The following SUCNR1 variants were observed in gnomAD, a reference collection of about 807,000 sequenced individuals.
The protein encoded by SUCNR1 is G-protein coupled receptor 91.
Under a neutral mutation model 2.4 loss-of-function variants are expected in SUCNR1, and 5 were observed. That is an observed-to-expected ratio of 2.07 (90% confidence interval 1.08 to 4.36). SUCNR1 has a LOEUF of 4.36. SUCNR1 is among the 30% of genes most tolerant of loss of function. The pLI is 0.00. For missense variants in SUCNR1, 373 were observed against 399.2 expected (o/e 0.93, Z 0.56); for synonymous variants, 162 against 143.9 (o/e 1.13, Z -0.90).
rs1182248028 is a variant in SUCNR1 at position 151,882,051 on chromosome 3, T to C, written c.*503T>C. 6.6e-6 allele frequency: 1 copy of C among 152,482 alleles called. No individual in the cohort carries two copies. Among genetic ancestry groups the C allele is most frequent in the African/African-American group, 2.4e-5 (1 of 41,446 alleles). The allele number at this position is 152,482 out of a possible 1,614,324, so 9.4% of individuals were successfully genotyped here. A position where few individuals can be genotyped will look rare whatever the true frequency, so the allele number is the denominator to read the frequency against. Reference sequence around the variant, plus strand: ...AAGGAATATAATGAGTTCAAAGATATCTATCTGATATATTTTTTATATTCA... The same window carrying C: ...AAGGAATATAATGAGTTCAAAGATACCTATCTGATATATTTTTTATATTCA... On this transcript the variant is annotated 3_prime_UTR_variant, in exon 3 of 3. Coordinates refer to ENST00000362032, the MANE Select transcript of SUCNR1 (RefSeq NM_033050.6).
rs546949518 is a variant in SUCNR1 at position 151,883,907 on chromosome 3, T to A, written c.*2359T>A. Reference sequence around the variant, plus strand: ...ATTACATTCAGAACTTTCTTCACTTTGTTCACCTGTTGCCCATCTTTGTTC... The same window carrying A: ...ATTACATTCAGAACTTTCTTCACTTAGTTCACCTGTTGCCCATCTTTGTTC... On this transcript the variant is annotated 3_prime_UTR_variant, in exon 3 of 3. Transcript: ENST00000362032. The A allele has an allele frequency of 6.6e-6, 1 of 152,144 alleles. No individual in the cohort carries two copies. The highest frequency in any genetic ancestry group is 2.1e-4 in the South Asian group (1 of 4,832). The allele number at this position is 152,144 out of a possible 1,614,324, so 9.4% of individuals were successfully genotyped here. A position where few individuals can be genotyped will look rare whatever the true frequency, so the allele number is the denominator to read the frequency against.
rs1718083248 is a variant in SUCNR1 at position 151,881,129 on chromosome 3, T to G, written c.586T>G (p.Phe196Val). 2 of 1,614,146 alleles carry G rather than the reference T, an allele frequency of 1.2e-6. No homozygotes were observed. Among genetic ancestry groups the G allele is most frequent in the Non-Finnish European group, 8.5e-7 (1 of 1,180,016 alleles). Residue 196 changes from phenylalanine to valine, a missense_variant, in exon 3 of 3, where the codon TTC (phenylalanine) becomes GTC (valine). This residue lies in a region of SUCNR1 where 157 missense variants were observed against 178.7 expected (regional missense o/e 0.88). Coordinates refer to ENST00000362032, the MANE Select transcript of SUCNR1 (RefSeq NM_033050.6). ...CAGCATGTGTCTAACACTGTTGGGG[T>G]TCCTTATTCCTCTTTTTGTGATGTG... ...IYSMCLTLLG[F>V]LIPLFVMCFF...
In SUCNR1 at chr3:151,882,135, GGAAA is replaced by G. The variant is rs944199870; in HGVS notation, c.*591_*594del. 5.3e-4 allele frequency: 81 copies of G among 152,058 alleles called. No individual in the cohort carries two copies. The highest frequency in any genetic ancestry group is 1.8e-3 in the African/African-American group (73 of 41,458). 9.4% of individuals were successfully genotyped at this position (152,058 alleles called of 1,614,324 possible). On this transcript the variant is annotated 3_prime_UTR_variant, in exon 3 of 3. Coordinates refer to ENST00000362032, the MANE Select transcript of SUCNR1 (RefSeq NM_033050.6). Reference sequence around the variant, plus strand: ...CCTTTTTGTTGTATGGGTTTATAGTGGAAAGAATCTTAATTTAAATAAAAAGAAC... The same window carrying G: ...CCTTTTTGTTGTATGGGTTTATAGTGGAATCTTAATTTAAATAAAAAGAAC...
At chr3:151,879,975 G>A in intron 2 of SUCNR1, 68 bp downstream of exon 2, 1 of 1,297,426 alleles carries the variant, frequency 7.7e-7, no homozygotes, top group Non-Finnish European at 1.1e-6. Context: ...CGTTCCCTTT[G>A]TTTCTTTGCT....
intron 1 of SUCNR1, among the ~76,000 whole-genome samples, chr3:151,879,119 C>T (rs1257708499): frequency 6.6e-6 from 1 of 152,168 alleles, no homozygotes; most frequent in African/African-American, 2.4e-5. Context: ...TAATGTTTAA[C>T]AATGGCAATC....
chr3:151,874,125 C>CATATATATATAT (rs1171918094), intron 1 of SUCNR1, among the ~76,000 whole-genome samples: 2 of 86,888 alleles, frequency 2.3e-5, no homozygotes, highest in Non-Finnish European at 4.1e-5. Flanking sequence ...CATATACATA[C>CATATATATATAT]ATATATATAT....
intron 1 of SUCNR1, among the ~76,000 whole-genome samples, chr3:151,875,497 A>G (rs1717898056): frequency 6.6e-6 from 1 of 152,180 alleles, no homozygotes. Flanking sequence ...ATCTATTAGA[A>G]TTATGAACTT....
intron 1 of SUCNR1, among the ~76,000 whole-genome samples, chr3:151,877,454 A>G (rs552091697): frequency 6.6e-6 from 1 of 152,170 alleles, no homozygotes; most frequent in African/African-American, 2.4e-5. Flanking sequence ...GCAGAATATG[A>G]CATAGAGCAA....
rs57096358 is a variant in SUCNR1 at position 151,883,465 on chromosome 3, C to CAT, written c.*1956_*1957dup. ...AATATTTTTTCAAACCATAAACTCA[C>CAT]ATATATATATATATATATATATATA... On this transcript the variant is annotated 3_prime_UTR_variant, in exon 3 of 3. Transcript: ENST00000362032. 6,143 of 80,026 alleles carry CAT rather than the reference C, an allele frequency of 0.077. 253 individuals are homozygous for CAT. Among genetic ancestry groups the CAT allele is most frequent in the East Asian group, 0.11 (242 of 2,246 alleles). 5.0% of individuals were successfully genotyped at this position (80,026 alleles called of 1,614,324 possible). A position where few individuals can be genotyped will look rare whatever the true frequency, so the allele number is the denominator to read the frequency against.
rs1718085037 is a variant in SUCNR1, at chr3:151,881,177, C to G, written c.634C>G (p.Leu212Val). The G allele has an allele frequency of 1.2e-6, 2 of 1,614,158 alleles. No individual in the cohort carries two copies. The highest frequency in any genetic ancestry group is 2.2e-5 in the East Asian group (1 of 44,882). Residue 212 changes from leucine to valine, a missense_variant, in exon 3 of 3, where the codon CTC becomes GTC. Leu to Val is a conservative substitution (Grantham distance 32). Transcript: ENST00000362032. ...GTGTTTCTTTTATTACAAGATTGCT[C>G]TCTTCCTAAAGCAGAGGAATAGGCA... is the stretch of plus-strand genomic sequence containing the variant. Reference protein sequence around the residue: ...VMCFFYYKIALFLKQRNRQVA... With the variant: ...VMCFFYYKIAVFLKQRNRQVA...
In SUCNR1 at chr3:151,882,730, T is replaced by A. The variant is rs1718139328; in HGVS notation, c.*1182T>A. The A allele has an allele frequency of 6.6e-6, 1 of 152,144 alleles. No individual in the cohort carries two copies. Among genetic ancestry groups the A allele is most frequent in the Non-Finnish European group, 1.5e-5 (1 of 67,976 alleles). The allele number at this position is 152,144 out of a possible 1,614,324, so 9.4% of individuals were successfully genotyped here. ...AAATTATAGAACATAAAAATATTTA[T>A]GTGCATATTAACCTGTATTATCCCA... On this transcript the variant is annotated 3_prime_UTR_variant, in exon 3 of 3. Transcript: ENST00000362032.
intron 1 of SUCNR1, among the ~76,000 whole-genome samples, chr3:151,877,131 A>G (rs1717948034): frequency 6.6e-6 from 1 of 152,044 alleles, no homozygotes; most frequent in Non-Finnish European, 1.5e-5. Context: ...ACAGCAGTGA[A>G]AAGAGATTCA....
At chr3:151,879,828 A>C in intron 1 of SUCNR1, 24 bp from the exon 2 acceptor site, 1 of 1,259,314 alleles carries the variant, frequency 7.9e-7, no homozygotes, top group Non-Finnish European at 1.1e-6. Flanking sequence ...CTGAAGTTCT[A>C]AAAATTCTTA....
In SUCNR1 at chr3:151,882,453, T is replaced by C. The variant is rs779647701; in HGVS notation, c.*905T>C. On this transcript the variant is annotated 3_prime_UTR_variant, in exon 3 of 3. Transcript: ENST00000362032. ...CTTGATTTAATAGTGAACTTTAAAA[T>C]ATATTAATATCATAAACCAGCAAAT... 1 of 152,188 alleles carries C rather than the reference T, an allele frequency of 6.6e-6. No individual in the cohort carries two copies. Among genetic ancestry groups the C allele is most frequent in the Non-Finnish European group, 1.5e-5 (1 of 68,000 alleles). The allele number at this position is 152,188 out of a possible 1,614,324, so 9.4% of individuals were successfully genotyped here.
At position 151,881,723 on chromosome 3, in the gene SUCNR1, A is replaced by G; in HGVS notation, c.*175A>G. 3.2e-6 allele frequency: 2 copies of G among 625,048 alleles called. No individual in the cohort carries two copies. The highest frequency in any genetic ancestry group is 4.5e-5 in the South Asian group (2 of 44,320). 38.7% of individuals were successfully genotyped at this position (625,048 alleles called of 1,614,324 possible). ...AAGAATGTACTGGTTTCTTCCTCTA[A>G]GAATTGAAAGGAGTTGAACTGCCTT... On this transcript the variant is annotated 3_prime_UTR_variant, in exon 3 of 3. Transcript: ENST00000362032.
At chr3:151,876,772 C>T (rs1400005721) in intron 1 of SUCNR1, among the ~76,000 whole-genome samples, 2 of 152,008 alleles carry the variant, frequency 1.3e-5, no homozygotes, top group Non-Finnish European at 2.9e-5. Context: ...GTGAAATAAG[C>T]AATGAGCTTA....
chr3:151,874,357 T>C (rs1717860762), intron 1 of SUCNR1, among the ~76,000 whole-genome samples: 1 of 151,500 alleles, frequency 6.6e-6, no homozygotes, highest in African/African-American at 2.4e-5. Flanking sequence ...TTGGATTTTT[T>C]AGTAGAGATG....
chr3:151,874,141 TA>T (rs1404193369), intron 1 of SUCNR1, among the ~76,000 whole-genome samples: 7 of 54,306 alleles, frequency 1.3e-4, no homozygotes, highest in South Asian at 1.2e-3. Context: ...TATATATATA[TA>T]TATATTTTTT....
intron 1 of SUCNR1, among the ~76,000 whole-genome samples, chr3:151,876,359 T>C (rs906294186): frequency 7.9e-5 from 12 of 152,128 alleles, no homozygotes; most frequent in African/African-American, 2.9e-4. Context: ...AAACTGACCA[T>C]TGAGCTAAAA....
Sources: allele counts gnomAD v4.1 joint callset (sites outside exome capture counted in the v4.1 genomes callset), GRCh38; gene constraint gnomAD v4.1.1; regional missense constraint gnomAD v4.1.1; transcripts MANE v1.5; gene names NCBI Gene and HGNC (gene_info 2026-07-23, HGNC 2026-07-21).